The following ADGRG2 variants were observed in gnomAD, a reference collection of about 807,000 sequenced individuals.
The protein encoded by ADGRG2 is G protein-coupled receptor 64.
ADGRG2 carries 26 observed loss-of-function variants against 74.1 expected under a neutral mutation model. That is an observed-to-expected ratio of 0.35 (90% CI 0.26 to 0.49). The LOEUF (loss-of-function observed/expected upper bound fraction) is 0.49. Among genes scored for constraint, ADGRG2 ranks in the 20% least tolerant of loss-of-function variants. The pLI is 0.99. For synonymous variants in ADGRG2, 296 were observed against 295.2 expected, an observed-to-expected ratio of 1.00 and a Z score of -0.03; for missense variants, 619 against 763.1, an observed-to-expected ratio of 0.81 and a Z score of 2.22.
chrX:19,088,072 CCCAAGA>C (rs1234831972), intron 1 of ADGRG2, among the ~76,000 whole-genome samples: 2 of 111,873 alleles, frequency 1.8e-5, no homozygotes, highest in African/African-American at 6.5e-5. Context: ...CAACTCTCTA[CCCAAGA>C]TGACAGAACT....
chrX:19,105,147 G>A (rs1488070558), intron 1 of ADGRG2, among the ~76,000 whole-genome samples: 1 of 110,779 alleles, frequency 9.0e-6, no homozygotes, highest in Non-Finnish European at 1.9e-5. Context: ...CTTCGAGATG[G>A]AGTCTTCCCA....
At chrX:19,011,028 C>T (rs765542950) in intron 16 of ADGRG2, among the ~76,000 whole-genome samples, 1 of 112,169 alleles carries the variant, frequency 8.9e-6, no homozygotes, top group East Asian at 2.8e-4. Flanking sequence ...TACCTCCATA[C>T]AGTGAAATAT....
intron 15 of ADGRG2, among the ~76,000 whole-genome samples, chrX:19,017,113 C>A (rs1350839293): frequency 8.9e-6 from 1 of 111,749 alleles, no homozygotes; most frequent in African/African-American, 3.3e-5. Context: ...AGTCTCTATA[C>A]AGACCCTCGG....
At position 18,989,471 on chromosome X, in the gene ADGRG2, C is replaced by G. The variant is rs1033459372; in HGVS notation, c.*1393G>C. 8.9e-6 allele frequency: 1 copy of G among 112,267 alleles called. No individual in the cohort carries two copies. Among genetic ancestry groups the G allele is most frequent in the Non-Finnish European group, 1.9e-5 (1 of 53,293 alleles). 9.3% of individuals were successfully genotyped at this position (112,267 alleles called of 1,213,427 possible). On this transcript the variant is annotated 3_prime_UTR_variant, in exon 29 of 29. Coordinates refer to ENST00000379869, the MANE Select transcript of ADGRG2 (RefSeq NM_001079858.3). ...TGGTTAGTCTGAGATCCAACATTCACTTGAAATATATGCAAGAGAACCTTA... is the reference window on the plus strand; with the variant it reads ...TGGTTAGTCTGAGATCCAACATTCAGTTGAAATATATGCAAGAGAACCTTA...
chrX:19,012,630 C>CAAAAAAAAAA (rs71924946), intron 16 of ADGRG2, among the ~76,000 whole-genome samples: 3 of 33,054 alleles, frequency 9.1e-5, no homozygotes, highest in Non-Finnish European at 1.3e-4. Flanking sequence ...CCAAAGCTAC[C>CAAAAAAAAAA]AAAAAAAAAA....
chrX:19,045,228 C>T (rs1417855783), intron 3 of ADGRG2, among the ~76,000 whole-genome samples: 1 of 110,499 alleles, frequency 9.0e-6, no homozygotes, highest in African/African-American at 3.3e-5. Flanking sequence ...CTCTGAGGCT[C>T]TACTCTATCC....
chrX:19,099,673 C>T (rs974799225), intron 1 of ADGRG2, among the ~76,000 whole-genome samples: 1 of 112,060 alleles, frequency 8.9e-6, no homozygotes, highest in African/African-American at 3.2e-5. Context: ...CTTAGAAGCT[C>T]GTCACGCTAA....
intron 1 of ADGRG2, among the ~76,000 whole-genome samples, chrX:19,118,664 C>T (rs900472894): frequency 1.1e-4 from 12 of 112,362 alleles, no homozygotes; most frequent in Admixed American, 4.7e-4. Context: ...GCTGGGAATC[C>T]AGGCACGAGC....
chrX:18,997,310 A>G (rs1454462321), intron 26 of ADGRG2, among the ~76,000 whole-genome samples: 2 of 111,939 alleles, frequency 1.8e-5, no homozygotes, highest in Non-Finnish European at 3.8e-5. Context: ...GTTTCCTTGT[A>G]TAGATGAAAC....
At chrX:19,083,620 G>A (rs1319894003) in intron 1 of ADGRG2, among the ~76,000 whole-genome samples, 1 of 111,610 alleles carries the variant, frequency 9.0e-6, no homozygotes, top group Non-Finnish European at 1.9e-5. Flanking sequence ...GGGGAACATG[G>A]GGGTATTTGC....
chrX:19,044,628 A>G (rs1473415629), intron 3 of ADGRG2, among the ~76,000 whole-genome samples: 2 of 111,182 alleles, frequency 1.8e-5, no homozygotes, highest in Admixed American at 9.6e-5. Context: ...TCAAGTGAAG[A>G]GCCCAGAAAC....
chrX:18,994,865 C>G, intron 28 of ADGRG2, 31 bp downstream of exon 28: 1 of 1,118,829 alleles, frequency 8.9e-7, no homozygotes, highest in Non-Finnish European at 1.2e-6. Flanking sequence ...TAAACACTAG[C>G]TTGAGAAATA....
chrX:19,022,942 C>T (rs1344273954), intron 13 of ADGRG2, among the ~76,000 whole-genome samples: 1 of 112,509 alleles, frequency 8.9e-6, no homozygotes, highest in Non-Finnish European at 1.9e-5. Flanking sequence ...AGTGATCTGC[C>T]CACCTCAGCC....
At chrX:19,068,166 C>T (rs1390098390) in intron 3 of ADGRG2, among the ~76,000 whole-genome samples, 2 of 112,281 alleles carry the variant, frequency 1.8e-5, no homozygotes, top group Non-Finnish European at 3.8e-5. Context: ...GTGATTTGTA[C>T]ACCCATGTTC....
intron 1 of ADGRG2, among the ~76,000 whole-genome samples, chrX:19,106,485 G>A (rs7053361): frequency 0.046 from 4,751 of 102,517 alleles, 237 homozygotes; most frequent in African/African-American, 0.17. Context: ...ATCTGGGATA[G>A]TGTGTGTTTG....
chrX:19,002,793 C>T, intron 24 of ADGRG2, 53 bp downstream of exon 24: 1 of 1,123,952 alleles, frequency 8.9e-7, no homozygotes, highest in South Asian at 2.0e-5. Flanking sequence ...AATCAAAACA[C>T]TAGAGAAAAG....
chrX:19,033,061 C>T (rs1284045499), intron 8 of ADGRG2: 4 of 111,431 alleles, frequency 3.6e-5, no homozygotes. Flanking sequence ...CCTGTCTCTA[C>T]AAAAAATACA....
chrX:19,048,511 C>T (rs1375486085), intron 3 of ADGRG2, among the ~76,000 whole-genome samples: 1 of 111,985 alleles, frequency 8.9e-6, no homozygotes, highest in East Asian at 2.8e-4. Flanking sequence ...AGCTTCACTA[C>T]ACCAGGCCGC....
rs1158027165 is a variant in ADGRG2 at position 19,033,612 on chromosome X, C to A, written c.304+1G>T. The A allele has an allele frequency of 1.2e-6, 1 of 819,964 alleles. No homozygotes were observed. The highest frequency in any genetic ancestry group is 1.8e-6 in the Non-Finnish European group (1 of 554,944). 67.6% of individuals were successfully genotyped at this position (819,964 alleles called of 1,213,427 possible). A position where few individuals can be genotyped will look rare whatever the true frequency, so the allele number is the denominator to read the frequency against. On this transcript the variant is annotated splice_donor_variant, in intron 8 of 28. Transcript: ENST00000379869. LOFTEE classifies it high-confidence loss of function. The stretch of plus-strand genomic sequence containing the variant: ...GTCTTGATATTGATAATAAGTCATA[C>A]CTGATGCATTGAAGGTTTTTACTAT...
Sources: gnomAD v4.1 joint callset for allele counts (sites outside exome capture counted in the v4.1 genomes callset) on GRCh38, gnomAD v4.1.1 for gene constraint, MANE v1.5 for transcripts, NCBI Gene and HGNC (gene_info 2026-07-23, HGNC 2026-07-21) for gene names.